Variants in SRFBP1 observed in about 807,000 individuals in gnomAD.
SRFBP1 encodes the protein serum response factor binding protein 1.
In SRFBP1, 47 loss-of-function variants were observed where a neutral mutation model predicts 45.5. The observed-to-expected ratio is 1.03, with a 90% CI of 0.82 to 1.32. The LOEUF (loss-of-function observed/expected upper bound fraction) is 1.32. SRFBP1 is among the 40% of genes most tolerant of loss of function. SRFBP1 has a pLI of 0.00. For synonymous variants in SRFBP1, 203 were observed against 166.3 expected (o/e 1.22, Z -1.70); for missense variants, 621 against 484.6 (o/e 1.28, Z -2.64).
At position 121,963,825 on chromosome 5, in the gene SRFBP1, G is replaced by A. The variant is rs550316505; in HGVS notation, c.36+1757G>A. Among the ~76,000 whole-genome samples, 26 of 151,890 alleles carry A rather than the reference G, an allele frequency of 1.7e-4. 1 individual carries two copies. The South Asian group carries it at 2.7e-3, about 16-fold the overall frequency. ...GATAAAAAGGACAGAAAAAAGTGGA[G>A]ATGATGGAGGATATTATAATTTAAA... On this transcript the variant is annotated intron_variant, in intron 1 of 7. Coordinates refer to ENST00000339397, the MANE Select transcript of SRFBP1 (RefSeq NM_152546.3).
chr5:122,077,198 G>A, downstream of SRFBP1: 1 of 1,471,994 alleles, frequency 6.8e-7, no homozygotes, highest in Non-Finnish European at 9.0e-7. This position sits in a 1 kb window ranked among gnomAD's most constrained non-coding sequence, Gnocchi z 4.9. Context: ...CCAGACGCGC[G>A]GTTTGCACTG....
At chr5:121,971,374 A>G (rs1752192851) in intron 1 of SRFBP1, among the ~76,000 whole-genome samples, 1 of 152,006 alleles carries the variant, frequency 6.6e-6, no homozygotes, top group Non-Finnish European at 1.5e-5. Context: ...GGATTAAGAG[A>G]GCTACCTCTA....
intron 4 of SRFBP1, among the ~76,000 whole-genome samples, chr5:122,006,279 C>G (rs1752973681): frequency 6.6e-6 from 1 of 152,074 alleles, no homozygotes; most frequent in Non-Finnish European, 1.5e-5. Context: ...TATTGGAACT[C>G]TCTTACATGT....
At chr5:122,038,365 A>G (rs1753723999) in intron 2 of SRFBP1, among the ~76,000 whole-genome samples, 1 of 152,230 alleles carries the variant, frequency 6.6e-6, no homozygotes, top group Non-Finnish European at 1.5e-5. Flanking sequence ...TCATACAGTG[A>G]CAAAGCAGTT....
chr5:122,044,144 A>G (rs1187228906), intron 2 of SRFBP1, among the ~76,000 whole-genome samples: 2 of 152,168 alleles, frequency 1.3e-5, no homozygotes, highest in African/African-American at 4.8e-5. Flanking sequence ...TGCTTAGGAT[A>G]ATGGCCTCCA....
chr5:121,999,987 C>G (rs973508661), intron 4 of SRFBP1, among the ~76,000 whole-genome samples: 1 of 151,988 alleles, frequency 6.6e-6, no homozygotes, highest in African/African-American at 2.4e-5. Flanking sequence ...CAGTTGTTTT[C>G]TATTTGCTTC....
chr5:122,031,498 G>T (rs181429029), downstream of SRFBP1, among the ~76,000 whole-genome samples: 1 of 152,108 alleles, frequency 6.6e-6, no homozygotes, highest in African/African-American at 2.4e-5. Context: ...AGTAAACAAC[G>T]TCTCACCAAA....
intron 1 of SRFBP1, among the ~76,000 whole-genome samples, chr5:121,962,607 G>C (rs1384413848): frequency 6.6e-6 from 1 of 152,182 alleles, no homozygotes; most frequent in African/African-American, 2.4e-5. Flanking sequence ...TCAATAAAGA[G>C]CTGTTTATAC....
At position 122,073,485 on chromosome 5, in the gene SRFBP1, G is replaced by A. The variant is rs2956540; in HGVS notation, n.312-1830G>A. Among the ~76,000 whole-genome samples, 9 of 152,030 alleles carry A rather than the reference G, an allele frequency of 5.9e-5. No individual in the cohort carries two copies. In the East Asian group the frequency reaches 7.7e-4, roughly 13 times the overall value. On this transcript the variant is annotated intron_variant and non_coding_transcript_variant, in intron 2 of 2. Coordinates refer to the SRFBP1 transcript ENST00000504881. ...CTTATTTTTCCTCCATTTGCTAACCGCAACCACTATTCTATTTTCAGCATA... is the reference window on the plus strand; with the variant it reads ...CTTATTTTTCCTCCATTTGCTAACCACAACCACTATTCTATTTTCAGCATA...
intron 3 of SRFBP1, among the ~76,000 whole-genome samples, chr5:121,986,954 T>G (rs542431625): frequency 2.6e-5 from 4 of 152,074 alleles, no homozygotes; most frequent in Non-Finnish European, 5.9e-5. Context: ...AAGTGCATTA[T>G]TAAATTAGAG....
At chr5:122,078,084 A>C, downstream of SRFBP1, 2 of 1,189,602 alleles carry the variant, frequency 1.7e-6, no homozygotes, top group Non-Finnish European at 2.2e-6. Flanking sequence ...ATCTTCAACC[A>C]AGGAGGCGAG....
chr5:121,970,994 G>A (rs1488094559), intron 1 of SRFBP1, among the ~76,000 whole-genome samples: 2 of 152,056 alleles, frequency 1.3e-5, no homozygotes, highest in African/African-American at 4.8e-5. Flanking sequence ...AGGATGAATA[G>A]ATGTTAACAA....
At chr5:121,997,438 G>A (rs1032202896) in intron 4 of SRFBP1, among the ~76,000 whole-genome samples, 2 of 151,746 alleles carry the variant, frequency 1.3e-5, no homozygotes, top group Admixed American at 6.6e-5. Context: ...TTAATAAATG[G>A]TGCTGGGAAA....
intron 1 of SRFBP1, among the ~76,000 whole-genome samples, chr5:121,967,239 C>G (rs943942703): frequency 2.0e-5 from 3 of 152,076 alleles, no homozygotes; most frequent in African/African-American, 7.2e-5. Context: ...TGTCAAGAAC[C>G]ACGTTTGTAT....
chr5:122,070,184 A>G lies in SRFBP1; in HGVS notation n.312-5131A>G, dbSNP rs759412397. The G allele has an allele frequency of 8.9e-6, 12 of 1,354,576 alleles. No homozygotes were observed. Among genetic ancestry groups the G allele is most frequent in the South Asian group, 1.2e-5 (1 of 85,786 alleles). The allele number at this position is 1,354,576 out of a possible 1,614,324, so 83.9% of individuals were successfully genotyped here. Reference sequence around the variant, plus strand: ...TTACACTGACCTGGGCAACACAAAGAGTTCCTCAGTATTTCTTTTTCCATA... The same window carrying G: ...TTACACTGACCTGGGCAACACAAAGGGTTCCTCAGTATTTCTTTTTCCATA... On this transcript the variant is annotated intron_variant and non_coding_transcript_variant, in intron 2 of 2. Transcript: ENST00000504881.
rs139083538 is a variant in SRFBP1 at position 122,012,624 on chromosome 5, C to T, written c.271-6636C>T. On this transcript the variant is annotated intron_variant, in intron 4 of 7. Coordinates refer to ENST00000339397, the MANE Select transcript of SRFBP1 (RefSeq NM_152546.3). The stretch of plus-strand genomic sequence containing the variant: ...CGAAATACAAATTAGTTAAAAATAG[C>T]TGGCAGCTAAATATAAGGAATAGTG... 2.0e-5 allele frequency among the ~76,000 whole-genome samples: 3 copies of T among 152,166 alleles called. No homozygotes were observed. The East Asian group carries it at 5.8e-4, about 29-fold the overall frequency.
At chr5:122,075,645 C>T (rs761713069), downstream of SRFBP1, 8 of 705,448 alleles carry the variant, frequency 1.1e-5, no homozygotes, top group Non-Finnish European at 1.8e-5. Flanking sequence ...TCCTCCTTTC[C>T]CAACTAGACT....
chr5:122,053,172 G>T (rs1754018932), intron 2 of SRFBP1, among the ~76,000 whole-genome samples: 1 of 152,116 alleles, frequency 6.6e-6, no homozygotes, highest in African/African-American at 2.4e-5. Flanking sequence ...AAAACACAGG[G>T]TTGCGCCTGG....
intron 3 of SRFBP1, among the ~76,000 whole-genome samples, chr5:121,985,647 T>G (rs1174069744): frequency 1.3e-5 from 2 of 151,952 alleles, no homozygotes; most frequent in African/African-American, 4.8e-5. Context: ...ATATTTAGTG[T>G]AACAATTTAT....
Sources: allele counts gnomAD v4.1 joint callset (sites outside exome capture counted in the v4.1 genomes callset), GRCh38; gene constraint gnomAD v4.1.1; non-coding constraint Gnocchi (gnomAD v3.1); transcripts MANE v1.5; gene names NCBI Gene and HGNC (gene_info 2026-07-23, HGNC 2026-07-21).